The following ABCC8 variants were observed in gnomAD, a reference collection of about 807,000 sequenced individuals.
The protein encoded by ABCC8 is ATP binding cassette subfamily C member 8.
In ABCC8, 137 loss-of-function variants were observed where a neutral mutation model predicts 188.0. The observed-to-expected ratio is 0.73, with a 90% CI of 0.63 to 0.84. The LOEUF (loss-of-function observed/expected upper bound fraction) is 0.84, where lower values mean the gene tolerates loss of function less well. Among genes scored for constraint, ABCC8 ranks in the 40% least tolerant of loss-of-function variants. The pLI is 0.00. For missense variants in ABCC8, 1,750 were observed against 2,072.7 expected, an observed-to-expected ratio of 0.84 and a Z score of 3.02; for synonymous variants, 797 against 846.5, an observed-to-expected ratio of 0.94 and a Z score of 1.01.
At position 17,460,574 on chromosome 11, in the gene ABCC8, C is replaced by G. The variant is rs765907720; in HGVS notation, c.925G>C (p.Ala309Pro). The change falls in exon 6 of 39, where the codon GCC becomes CCC. Residue 309 changes from alanine (A) to proline (P), a missense_variant. By Grantham distance (27) the Ala-to-Pro change is conservative. Coordinates refer to ENST00000389817, the MANE Select transcript of ABCC8 (RefSeq NM_000352.6). ...GGCCCGGCGAAGCCCAGCAGGTCGG[C>G]CAAGATGCGGAAAGTGCTGCTGAGG... ...LVLSSTFRIL[A>P]DLLGFAGPLC... 6.2e-7 allele frequency: 1 copy of G among 1,613,778 alleles called. No homozygotes were observed. The highest frequency in any genetic ancestry group is 8.5e-7 in the Non-Finnish European group (1 of 1,180,050).
At chr11:17,412,153 A>C (rs1289404602) in intron 21 of ABCC8, among the ~76,000 whole-genome samples, 1 of 152,082 alleles carries the variant, frequency 6.6e-6, no homozygotes, top group Admixed American at 6.5e-5. Context: ...CGGCCTCCCA[A>C]AGTGCTGGAA....
At chr11:17,434,180 C>A (rs1262014783) in intron 10 of ABCC8, among the ~76,000 whole-genome samples, 1 of 152,196 alleles carries the variant, frequency 6.6e-6, no homozygotes, top group Non-Finnish European at 1.5e-5. Flanking sequence ...TATTCTGCTC[C>A]TCCTGGCCCA....
intron 12 of ABCC8, chr11:17,430,490 G>A (rs2133547516): frequency 7.5e-6 from 3 of 397,586 alleles, no homozygotes; most frequent in South Asian, 6.6e-5. Flanking sequence ...GCTCTGGAGG[G>A]TGAAGTTAGG....
chr11:17,395,118 T>C, intron 36 of ABCC8, 54 bp downstream of exon 36: 6 of 1,549,784 alleles, frequency 3.9e-6, no homozygotes, highest in Non-Finnish European at 5.2e-6. Flanking sequence ...TCTGCCATCC[T>C]TACAGGGTCC....
rs760845551 is a variant in ABCC8, at chr11:17,448,648, C to T, written c.1200G>A (p.Met400Ile). Residue 400 changes from methionine to isoleucine, a missense_variant, in exon 8 of 39, where the codon ATG becomes ATA. Met to Ile is a conservative substitution (Grantham distance 10). Transcript: ENST00000389817. ...AIQTKIYNKI[M>I]HLSTSNLSMG... ...TGGACAGGTTGGAGGTGGACAGGTGCATAATTTTATTGTAAATCTTGGTCT... is the reference window on the plus strand; with the variant it reads ...TGGACAGGTTGGAGGTGGACAGGTGTATAATTTTATTGTAAATCTTGGTCT... The T allele has an allele frequency of 1.2e-6, 2 of 1,614,182 alleles. No homozygotes were observed. The highest frequency in any genetic ancestry group is 2.2e-5 in the South Asian group (2 of 91,070).
chr11:17,464,346 G>A (rs774286025), intron 3 of ABCC8, among the ~76,000 whole-genome samples: 1 of 152,184 alleles, frequency 6.6e-6, no homozygotes, highest in South Asian at 2.1e-4. Flanking sequence ...TGGGGGATAC[G>A]GAAAGAGCCA....
At chr11:17,437,775 G>T (rs1215303982) in intron 10 of ABCC8, among the ~76,000 whole-genome samples, 1 of 152,214 alleles carries the variant, frequency 6.6e-6, no homozygotes, top group Admixed American at 6.5e-5. Context: ...CACTGTGGCT[G>T]CACCAACTGG....
intron 29 of ABCC8, among the ~76,000 whole-genome samples, chr11:17,399,400 T>C (rs1954122808): frequency 6.6e-6 from 1 of 151,628 alleles, no homozygotes; most frequent in African/African-American, 2.4e-5. Flanking sequence ...CCACACACTA[T>C]GCTGCAGCCA....
chr11:17,458,481 G>A (rs572091067), intron 6 of ABCC8, among the ~76,000 whole-genome samples: 2 of 152,232 alleles, frequency 1.3e-5, no homozygotes, highest in South Asian at 4.2e-4. Flanking sequence ...AGAAGAGCGT[G>A]GTGTGGACAC....
In ABCC8 at chr11:17,469,344, C is replaced by T. The variant is rs151092930; in HGVS notation, c.412+757G>A. Among the ~76,000 whole-genome samples, 1,365 of 152,054 alleles carry T rather than the reference C, an allele frequency of 9.0e-3. 12 individuals carry two copies. Among genetic ancestry groups the T allele is most frequent in the Non-Finnish European group, 0.012 (826 of 67,978 alleles). On this transcript the variant is annotated intron_variant, in intron 3 of 38. Transcript: ENST00000389817. The stretch of plus-strand genomic sequence containing the variant: ...CTGACCTCGGGTGATCCGCCCACCT[C>T]GGCCTCCCAAAGTGCTGGGGTTACA...
At chr11:17,430,585 G>A (rs1295714761) in intron 12 of ABCC8, 2 of 587,138 alleles carry the variant, frequency 3.4e-6, no homozygotes, top group African/African-American at 1.9e-5. Context: ...AAGTGACAGT[G>A]AGTCCCCTCT....
At chr11:17,396,696 A>T (rs1953947138) in intron 33 of ABCC8, 1 of 601,696 alleles carries the variant, frequency 1.7e-6, no homozygotes. Context: ...TTGGTGGATG[A>T]GTGAGAAGAC....
chr11:17,395,752 C>G (rs1475719569), intron 34 of ABCC8, 34 bp from the exon 35 acceptor site: 1 of 1,552,380 alleles, frequency 6.4e-7, no homozygotes, highest in South Asian at 1.2e-5. Context: ...CAGGGGAAGG[C>G]GGTGACTGCT....
At chr11:17,405,885 C>T (rs1954492279) in intron 26 of ABCC8, among the ~76,000 whole-genome samples, 1 of 152,234 alleles carries the variant, frequency 6.6e-6, no homozygotes, top group Admixed American at 6.5e-5. Context: ...CCAAGAGGAA[C>T]AGGGCCCTGG....
Position 17,394,293 on chromosome 11 carries a change from C to T in ABCC8, c.4518G>A (p.Glu1506=). 1.2e-6 allele frequency: 2 copies of T among 1,613,946 alleles called. No homozygotes were observed. Among genetic ancestry groups the T allele is most frequent in the South Asian group, 1.1e-5 (1 of 91,088 alleles). The part of the protein sequence containing the change: ...VRKTSIFIMD[E]ATASIDMATE... ...TGGCCATGTCAATGGAAGCCGTGGC[C>T]TCGTCCATGATGAAGATGCTGGTCT... Residue 1506 remains glutamate (E), a synonymous_variant, in exon 37 of 39, where the codon GAG becomes GAA. Transcript: ENST00000389817.
chr11:17,458,400 T>C (rs976271284), intron 6 of ABCC8, among the ~76,000 whole-genome samples: 1 of 152,246 alleles, frequency 6.6e-6, no homozygotes, highest in Non-Finnish European at 1.5e-5. Context: ...GCTTTCGCCA[T>C]CTCTTTGGCA....
chr11:17,432,969 G>A (rs576895803), intron 10 of ABCC8, among the ~76,000 whole-genome samples: 1 of 152,294 alleles, frequency 6.6e-6, no homozygotes, highest in Non-Finnish European at 1.5e-5. Flanking sequence ...TTCCTCATAT[G>A]ATTTTTGTAA....
intron 3 of ABCC8, among the ~76,000 whole-genome samples, chr11:17,466,398 C>CAAAAA (rs747797902): frequency 1.0e-4 from 5 of 49,842 alleles, no homozygotes; most frequent in African/African-American, 2.1e-4. Context: ...GACTCCATCT[C>CAAAAA]AAAAAAAAAA....
chr11:17,465,571 T>C (rs1472536810), intron 3 of ABCC8: 4 of 152,216 alleles, frequency 2.6e-5, no homozygotes, highest in Non-Finnish European at 5.9e-5. Context: ...CAGCAAAAGC[T>C]GAATGCCTGA....
Sources: allele counts gnomAD v4.1 joint callset (sites outside exome capture counted in the v4.1 genomes callset), GRCh38; gene constraint gnomAD v4.1.1; transcripts MANE v1.5; gene names NCBI Gene and HGNC (gene_info 2026-07-23, HGNC 2026-07-21).